Variants in ETS1 observed in about 807,000 individuals in gnomAD.
ETS1 encodes ETS proto-oncogene 1, transcription factor.
Under a neutral mutation model 58.6 loss-of-function variants are expected in ETS1, and 15 were observed. The observed-to-expected ratio is 0.26, with a 90% confidence interval of 0.17 to 0.39. ETS1 has a LOEUF of 0.39. ETS1 is among the 10% of genes least tolerant of loss of function. The pLI, the probability that ETS1 is intolerant of heterozygous loss-of-function variation, is 1.00. For synonymous variants in ETS1, 214 were observed against 218.2 expected (o/e 0.98, Z 0.17); for missense variants, 417 against 610.5 (o/e 0.68, Z 3.34).
chr11:128,571,863 T>G (rs1196245352), intron 2 of ETS1: 1 of 152,216 alleles, frequency 6.6e-6, no homozygotes, highest in East Asian at 1.9e-4. Flanking sequence ...GCCAACATGG[T>G]GAAACTCTGT....
At chr11:128,568,055 T>C (rs773357315) in intron 2 of ETS1, among the ~76,000 whole-genome samples, 7 of 152,316 alleles carry the variant, frequency 4.6e-5, no homozygotes, top group Non-Finnish European at 8.8e-5. Context: ...CTCTTGGGCA[T>C]AGGTGCCTTC....
At chr11:128,545,549 A>G (rs1250259027) in intron 3 of ETS1, among the ~76,000 whole-genome samples, 1 of 152,204 alleles carries the variant, frequency 6.6e-6, no homozygotes, top group African/African-American at 2.4e-5. Context: ...TAAAAGCAAA[A>G]GACCACATAT....
chr11:128,550,064 T>C (rs535375348), intron 3 of ETS1, among the ~76,000 whole-genome samples: 2 of 152,326 alleles, frequency 1.3e-5, no homozygotes, highest in South Asian at 4.1e-4. Flanking sequence ...CCTCATGCAG[T>C]GGACACAAGA....
chr11:128,519,599 A>C (rs561851291), intron 3 of ETS1, among the ~76,000 whole-genome samples: 1 of 152,256 alleles, frequency 6.6e-6, no homozygotes, highest in African/African-American at 2.4e-5. Context: ...AAAAGCAGAC[A>C]GCCCTGGCCA....
chr11:128,514,742 G>T (rs1241273459), intron 3 of ETS1, among the ~76,000 whole-genome samples: 3 of 152,268 alleles, frequency 2.0e-5, no homozygotes, highest in Admixed American at 6.5e-5. Flanking sequence ...ACCCATGAGG[G>T]ATTTAAAGTA....
chr11:128,547,277 A>G (rs1428541858), intron 3 of ETS1, among the ~76,000 whole-genome samples: 2 of 152,238 alleles, frequency 1.3e-5, no homozygotes, highest in Admixed American at 6.5e-5. Context: ...CCCTTGGAAC[A>G]GTAGTTTTTA....
intron 2 of ETS1, among the ~76,000 whole-genome samples, chr11:128,571,519 A>ACTCCGTC (rs1379367088): frequency 6.6e-5 from 3 of 45,650 alleles, no homozygotes; most frequent in African/African-American, 3.2e-4. Context: ...AAAAAAAAAA[A>ACTCCGTC]AAAAAAAAAA....
chr11:128,530,775 A>G (rs551049047), intron 3 of ETS1, among the ~76,000 whole-genome samples: 1 of 152,288 alleles, frequency 6.6e-6, no homozygotes, highest in East Asian at 1.9e-4. Context: ...CAGGAATTTA[A>G]AATTCTGAAT....
At chr11:128,576,731 A>G (rs1338389218) in intron 1 of ETS1, among the ~76,000 whole-genome samples, 1 of 141,514 alleles carries the variant, frequency 7.1e-6, no homozygotes, top group African/African-American at 2.7e-5. Context: ...TGACCCCTGC[A>G]CCCTCCACTG....
At chr11:128,522,093 G>C in intron 3 of ETS1, 1 of 1,319,088 alleles carries the variant, frequency 7.6e-7, no homozygotes. Flanking sequence ...GGGGACGGGG[G>C]AAATCCGACT....
chr11:128,469,000 G>A (rs1862113789), intron 8 of ETS1, among the ~76,000 whole-genome samples: 2 of 152,110 alleles, frequency 1.3e-5, no homozygotes, highest in Non-Finnish European at 2.9e-5. Context: ...TTACATTACT[G>A]AAACAAACCT....
rs758287055 is a variant in ETS1, at chr11:128,480,358, T to C, written c.956A>G (p.Asn319Ser). 1.2e-6 allele frequency: 2 copies of C among 1,614,102 alleles called. No homozygotes were observed. Among genetic ancestry groups the C allele is most frequent in the South Asian group, 2.2e-5 (2 of 91,078 alleles). The change falls in exon 8 of 10, where the codon AAC becomes AGC. Residue 319 changes from asparagine to serine, a missense_variant. By Grantham distance (46) the Asn-to-Ser change is conservative (BLOSUM62 1). Transcript: ENST00000392668. The part of the protein sequence containing the change: ...TQSWSSQSSF[N>S]SLQRVPSYDS... ...ATAGGAGGGAACACGCTGCAGGCTG[T>C]TGAAAGATGACTGGCTGCTCCAGGA...
intron 3 of ETS1, among the ~76,000 whole-genome samples, chr11:128,528,185 G>A (rs868818892): frequency 6.6e-6 from 1 of 152,198 alleles, no homozygotes; most frequent in Admixed American, 6.5e-5. Context: ...TCAAAATGCA[G>A]TTAAGACCTA....
chr11:128,508,589 C>T (rs1049491350), intron 3 of ETS1, among the ~76,000 whole-genome samples: 5 of 152,138 alleles, frequency 3.3e-5, no homozygotes, highest in Admixed American at 6.5e-5. Flanking sequence ...ATGTAAATCC[C>T]TCTCCTTTGT....
At chr11:128,480,045 TA>T in intron 8 of ETS1, 145 bp downstream of exon 8, 2 of 1,087,446 alleles carry the variant, frequency 1.8e-6, no homozygotes, top group South Asian at 1.7e-5. Flanking sequence ...GGAGAGAGAC[TA>T]AAGAATTCTT....
chr11:128,585,127 GAAA>G (rs1864981043), intron 1 of ETS1, among the ~76,000 whole-genome samples: 1 of 9,946 alleles, frequency 1.0e-4, no homozygotes, highest in African/African-American at 4.6e-4. Flanking sequence ...AAAGAAAGAA[GAAA>G]GAAAGAAAAG....
chr11:128,477,525 A>T (rs1023367408), intron 8 of ETS1, among the ~76,000 whole-genome samples: 5 of 152,150 alleles, frequency 3.3e-5, no homozygotes, highest in African/African-American at 1.2e-4. Context: ...GACGCATCTT[A>T]AATGAGGTTG....
chr11:128,580,058 C>A (rs1864834506), intron 1 of ETS1, among the ~76,000 whole-genome samples: 2 of 151,398 alleles, frequency 1.3e-5, no homozygotes, highest in African/African-American at 4.9e-5. Context: ...AGTAGCCATG[C>A]AACAAGTGTC....
intron 3 of ETS1, among the ~76,000 whole-genome samples, chr11:128,513,925 T>C (rs1863454473): frequency 6.6e-6 from 1 of 152,086 alleles, no homozygotes. Context: ...ACAACACATT[T>C]TTATTCTGAA....
Sources: gnomAD v4.1 joint callset for allele counts (sites outside exome capture counted in the v4.1 genomes callset) on GRCh38, gnomAD v4.1.1 for gene constraint, MANE v1.5 for transcripts, NCBI Gene and HGNC (gene_info 2026-07-23, HGNC 2026-07-21) for gene names.